Variants in INPP5D observed in about 807,000 individuals in gnomAD.
INPP5D encodes phosphatidylinositol 3,4,5-trisphosphate 5-phosphatase 1.
A neutral mutation model predicts 122.9 loss-of-function variants in INPP5D; 33 were observed. The ratio of observed to expected loss-of-function variants is 0.27; its 90% CI spans 0.20 to 0.36. The LOEUF (loss-of-function observed/expected upper bound fraction) is 0.36, where lower values mean the gene tolerates loss of function less well. Among genes scored for constraint, INPP5D ranks in the 10% least tolerant of loss-of-function variants. INPP5D has a pLI of 1.00. For missense variants in INPP5D, 1,053 were observed against 1,412.7 expected, an observed-to-expected ratio of 0.75 and a Z score of 4.08; for synonymous variants, 584 against 576.2, an observed-to-expected ratio of 1.01 and a Z score of -0.19.
intron 3 of INPP5D, 55 bp downstream of exon 3, chr2:233,122,312 C>T (rs1693011804): frequency 1.9e-6 from 3 of 1,556,740 alleles, no homozygotes; most frequent in South Asian, 1.1e-5. Context: ...TGCCCTGCAC[C>T]CACCTTGAGT....
At chr2:233,087,452 G>A (rs1439691678) in intron 2 of INPP5D, among the ~76,000 whole-genome samples, 1 of 151,696 alleles carries the variant, frequency 6.6e-6, no homozygotes, top group East Asian at 1.9e-4. Flanking sequence ...TCAGCCTCCC[G>A]AGTAGCTGGG....
chr2:233,158,733 G>A (rs2106290678), intron 10 of INPP5D, among the ~76,000 whole-genome samples: 1 of 151,784 alleles, frequency 6.6e-6, no homozygotes, highest in Middle Eastern at 3.4e-3. Flanking sequence ...AGCTTCTCTG[G>A]GCTGGACTTG....
intron 2 of INPP5D, among the ~76,000 whole-genome samples, chr2:233,109,566 T>C (rs978636106): frequency 6.6e-6 from 1 of 152,056 alleles, no homozygotes; most frequent in Non-Finnish European, 1.5e-5. Context: ...AGATGGTTTT[T>C]TTCTTTCTTT....
intron 20 of INPP5D, 78 bp from the exon 21 acceptor site, chr2:233,185,765 G>A: frequency 7.3e-7 from 1 of 1,377,924 alleles, no homozygotes; most frequent in Non-Finnish European, 9.5e-7. Context: ...CTAGGTCTGG[G>A]TGGGGTGACC....
chr2:233,164,190 G>A lies in INPP5D; in HGVS notation c.1438-117G>A. 1 of 1,447,498 alleles carries A rather than the reference G, an allele frequency of 6.9e-7. No individual in the cohort carries two copies. Among genetic ancestry groups the A allele is most frequent in the Non-Finnish European group, 9.1e-7 (1 of 1,100,580 alleles). The allele number at this position is 1,447,498 out of a possible 1,614,324, so 89.7% of individuals were successfully genotyped here. A position where few individuals can be genotyped will look rare whatever the true frequency, so the allele number is the denominator to read the frequency against. On this transcript the variant is annotated intron_variant, in intron 12 of 26. Coordinates refer to ENST00000445964, the MANE Select transcript of INPP5D (RefSeq NM_001017915.3). The surrounding 1 kb of genome is among the most constrained non-coding windows in gnomAD (Gnocchi z 4.3). ...CGCTGGGAGTCCCCCGAAGGGTTGG[G>A]ATTACAGACAGGATACCCCATACCC... is the stretch of plus-strand genomic sequence containing the variant.
intron 2 of INPP5D, among the ~76,000 whole-genome samples, chr2:233,111,415 G>T (rs1559297409): frequency 6.6e-6 from 1 of 152,138 alleles, no homozygotes; most frequent in Non-Finnish European, 1.5e-5. Flanking sequence ...CTCAATCCAG[G>T]ATGATGTGTT....
chr2:233,123,273 G>A lies in INPP5D; in HGVS notation c.349+1016G>A, dbSNP rs898623419. 3.3e-5 allele frequency among the ~76,000 whole-genome samples: 5 copies of A among 152,210 alleles called. No homozygotes were observed. In the East Asian group the frequency reaches 9.6e-4, roughly 29 times the overall value. On this transcript the variant is annotated intron_variant, in intron 3 of 26. Coordinates refer to ENST00000445964, the MANE Select transcript of INPP5D (RefSeq NM_001017915.3). ...GATCGAGACCATCCTGGCCAACATG[G>A]CGAAACCTTATCTCTACTAAAAATA... is the stretch of plus-strand genomic sequence containing the variant.
intron 17 of INPP5D, among the ~76,000 whole-genome samples, chr2:233,175,336 A>G (rs188481609): frequency 1.3e-5 from 2 of 152,332 alleles, no homozygotes; most frequent in Admixed American, 6.5e-5. Flanking sequence ...CTTATAAACA[A>G]TGGAACTTTT....
intron 5 of INPP5D, among the ~76,000 whole-genome samples, chr2:233,133,704 G>T (rs766407947): frequency 9.2e-5 from 14 of 152,166 alleles, no homozygotes; most frequent in Non-Finnish European, 2.1e-4. Flanking sequence ...ATCACGCAAG[G>T]CTTAAGAGGC....
intron 10 of INPP5D, 115 bp downstream of exon 10, chr2:233,158,534 C>G (rs538882093): frequency 1.8e-6 from 1 of 545,918 alleles, no homozygotes; most frequent in Non-Finnish European, 3.2e-6. Context: ...CCCAGAACAA[C>G]CCATTTCACA....
At chr2:233,172,847 G>A (rs1339718614) in intron 17 of INPP5D, among the ~76,000 whole-genome samples, 2 of 152,156 alleles carry the variant, frequency 1.3e-5, no homozygotes, top group African/African-American at 4.8e-5. Flanking sequence ...AATACTGTGG[G>A]CAACTGTAAC....
At chr2:233,146,795 C>T (rs939873445) in intron 8 of INPP5D, among the ~76,000 whole-genome samples, 2 of 151,176 alleles carry the variant, frequency 1.3e-5, no homozygotes, top group East Asian at 2.0e-4. Context: ...AAAAATCGTG[C>T]GATTCCTGTG....
rs963052894 is a variant in INPP5D, at chr2:233,188,990, T to C, written c.2359-860T>C. Among the ~76,000 whole-genome samples, 1 of 152,198 alleles carries C rather than the reference T, an allele frequency of 6.6e-6. No homozygotes were observed. Among genetic ancestry groups the C allele is most frequent in the African/African-American group, 2.4e-5 (1 of 41,452 alleles). Reference sequence around the variant, plus strand: ...GAATCGCCTAGAACAAAGTATCACCTTTTTATTTGGCCCTTCTGTATGGGA... The same window carrying C: ...GAATCGCCTAGAACAAAGTATCACCCTTTTATTTGGCCCTTCTGTATGGGA... On this transcript the variant is annotated intron_variant, in intron 21 of 26. Coordinates refer to ENST00000445964, the MANE Select transcript of INPP5D (RefSeq NM_001017915.3). The surrounding 1 kb of genome is among the most constrained non-coding windows in gnomAD (Gnocchi z 4.7).
chr2:233,177,156 C>T lies in INPP5D; in HGVS notation c.1990-109C>T, dbSNP rs911650445. On this transcript the variant is annotated intron_variant, in intron 17 of 26. Transcript: ENST00000445964. This position sits in a 1 kb window ranked among gnomAD's most constrained non-coding sequence, Gnocchi z 4.2. ...ACAGGGAAATTCTATAAAAAGCCAA[C>T]AGCCGATGAATTTGAGGATTACAGA... 3.5e-6 allele frequency: 5 copies of T among 1,444,644 alleles called. No individual in the cohort carries two copies. The highest frequency in any genetic ancestry group is 1.3e-5 in the South Asian group (1 of 78,686). The allele number at this position is 1,444,644 out of a possible 1,614,324, so 89.5% of individuals were successfully genotyped here.
At position 233,186,682 on chromosome 2, in the gene INPP5D, T is replaced by A. The variant is rs200220685; in HGVS notation, c.2358+757T>A. Among the ~76,000 whole-genome samples the A allele has an allele frequency of 4.6e-5, 5 of 108,866 alleles. No homozygotes were observed. The East Asian group carries it at 1.3e-3, about 27-fold the overall frequency. The allele number at this position is 108,866 out of a possible 152,430, so 71.4% of individuals were successfully genotyped here. On this transcript the variant is annotated intron_variant, in intron 21 of 26. Transcript: ENST00000445964. Reference sequence around the variant, plus strand: ...CTCTTGTTTTTTTTTCTTTTTCTCTTTCTTTTTTTTTTTTTTTTTTTTTTT... The same window carrying A: ...CTCTTGTTTTTTTTTCTTTTTCTCTATCTTTTTTTTTTTTTTTTTTTTTTT...
intron 1 of INPP5D, among the ~76,000 whole-genome samples, chr2:233,070,701 A>T (rs1319241116): frequency 6.6e-6 from 1 of 151,890 alleles, no homozygotes; most frequent in Non-Finnish European, 1.5e-5. Flanking sequence ...TCGGCCTCCC[A>T]AAGTGCTGGG....
At chr2:233,204,778 ATG>A in intron 26 of INPP5D, 61 bp downstream of exon 26, 1 of 1,408,584 alleles carries the variant, frequency 7.1e-7, no homozygotes, top group Non-Finnish European at 9.3e-7. Flanking sequence ...GTGAGTGCGT[ATG>A]TGTGTACCTA....
rs562339711 is a variant in INPP5D at position 233,082,275 on chromosome 2, C to A, written c.198+2877C>A. Reference sequence around the variant, plus strand: ...ATGACAGCAGACGTCCACTGAGGACCAAGTGCACACTCATGCCCAATTAAG... The same window carrying A: ...ATGACAGCAGACGTCCACTGAGGACAAAGTGCACACTCATGCCCAATTAAG... On this transcript the variant is annotated intron_variant, in intron 2 of 26. Coordinates refer to ENST00000445964, the MANE Select transcript of INPP5D (RefSeq NM_001017915.3). This position sits in a 1 kb window ranked among gnomAD's most constrained non-coding sequence, Gnocchi z 4.7. Among the ~76,000 whole-genome samples, 11 of 152,308 alleles carry A rather than the reference C, an allele frequency of 7.2e-5. No homozygotes were observed. In the East Asian group the frequency reaches 2.1e-3, roughly 29 times the overall value.
intron 22 of INPP5D, among the ~76,000 whole-genome samples, chr2:233,190,765 G>A (rs1459407336): frequency 6.6e-6 from 1 of 152,226 alleles, no homozygotes; most frequent in Non-Finnish European, 1.5e-5. Flanking sequence ...AGAGAGCCTG[G>A]AGGGGACAGA....
Sources: gnomAD v4.1 joint callset for allele counts (sites outside exome capture counted in the v4.1 genomes callset) on GRCh38, gnomAD v4.1.1 for gene constraint, Gnocchi (gnomAD v3.1) non-coding constraint, MANE v1.5 for transcripts, NCBI Gene and HGNC (gene_info 2026-07-23, HGNC 2026-07-21) for gene names.